CHRM3: variants seen among roughly 807,000 people sequenced by gnomAD.
CHRM3 encodes the protein muscarinic acetylcholine receptor M3.
Under a neutral mutation model 41.8 loss-of-function variants are expected in CHRM3, and 11 were observed. The observed-to-expected ratio is 0.26, with a 90% CI of 0.17 to 0.44. The LOEUF is 0.44. CHRM3 is among the 20% of genes least tolerant of loss of function. The pLI, the probability that CHRM3 is intolerant of heterozygous loss-of-function variation, is 1.00. For missense variants in CHRM3, 571 were observed against 745.4 expected (o/e 0.77, Z 2.72); for synonymous variants, 297 against 301.4 (o/e 0.99, Z 0.15).
chr1:239,792,616 T>A (rs1243370851), intron 5 of CHRM3, among the ~76,000 whole-genome samples: 1 of 152,216 alleles, frequency 6.6e-6, no homozygotes, highest in African/African-American at 2.4e-5. Flanking sequence ...TCCAAATTCT[T>A]TGTTCTTCTC....
intron 5 of CHRM3, among the ~76,000 whole-genome samples, chr1:239,817,065 G>A (rs1001360991): frequency 3.3e-5 from 5 of 152,168 alleles, no homozygotes; most frequent in Non-Finnish European, 7.3e-5. Context: ...ATTAGCACAT[G>A]TGAGGCACTG....
chr1:239,493,776 A>G (rs56229633), intron 2 of CHRM3, among the ~76,000 whole-genome samples: 3,018 of 152,278 alleles, frequency 0.02, 93 homozygotes, highest in African/African-American at 0.068. Context: ...TTAATGCCCA[A>G]TAGTTCTTAA....
chr1:239,491,653 C>G (rs1160178648), intron 1 of CHRM3, among the ~76,000 whole-genome samples: 1 of 152,192 alleles, frequency 6.6e-6, no homozygotes, highest in Non-Finnish European at 1.5e-5. Context: ...CATAGGAGGG[C>G]AGATGTCTCT....
chr1:239,560,376 A>G (rs1660741391), intron 3 of CHRM3, among the ~76,000 whole-genome samples: 1 of 152,170 alleles, frequency 6.6e-6, no homozygotes. Context: ...CAAAAAATGC[A>G]AAAACAATAC....
At chr1:239,455,436 TAA>T (rs966987567) in intron 1 of CHRM3, among the ~76,000 whole-genome samples, 2 of 152,000 alleles carry the variant, frequency 1.3e-5, no homozygotes, top group African/African-American at 4.8e-5. Flanking sequence ...ATCATTATCA[TAA>T]GAGATGACAG....
intron 5 of CHRM3, among the ~76,000 whole-genome samples, chr1:239,795,284 G>A (rs1669678361): frequency 6.6e-6 from 1 of 152,100 alleles, no homozygotes; most frequent in African/African-American, 2.4e-5. Context: ...ACTAACCAAG[G>A]TGGATTTAAA....
intron 1 of CHRM3, among the ~76,000 whole-genome samples, chr1:239,481,526 T>G (rs1666852971): frequency 6.6e-6 from 1 of 152,210 alleles, no homozygotes; most frequent in Non-Finnish European, 1.5e-5. Context: ...AGAGGTCATA[T>G]TTTATGTTTT....
intron 5 of CHRM3, among the ~76,000 whole-genome samples, chr1:239,752,285 G>T (rs1047039118): frequency 1.8e-4 from 27 of 152,088 alleles, no homozygotes; most frequent in African/African-American, 6.5e-4. Flanking sequence ...AGGGATGCTG[G>T]GAAAAAGACT....
At chr1:239,674,695 C>A (rs1379772232) in intron 4 of CHRM3, among the ~76,000 whole-genome samples, 5 of 126,136 alleles carry the variant, frequency 4.0e-5, no homozygotes, top group Non-Finnish European at 8.0e-5. Flanking sequence ...GAGCGACAGA[C>A]TGAGACTCCA....
At chr1:239,497,811 C>T (rs1396648294) in intron 2 of CHRM3, among the ~76,000 whole-genome samples, 2 of 152,158 alleles carry the variant, frequency 1.3e-5, no homozygotes, top group Admixed American at 1.3e-4. Flanking sequence ...GTACAGGCAG[C>T]AACAAATCGG....
At chr1:239,843,259 T>G (rs1197287811) in intron 6 of CHRM3, among the ~76,000 whole-genome samples, 1 of 152,102 alleles carries the variant, frequency 6.6e-6, no homozygotes, top group Non-Finnish European at 1.5e-5. Context: ...ATTCTTCAAA[T>G]CCTAGCACAA....
chr1:239,807,452 G>A (rs762559711), intron 5 of CHRM3, among the ~76,000 whole-genome samples: 15 of 152,180 alleles, frequency 9.9e-5, no homozygotes, highest in Non-Finnish European at 1.9e-4. Context: ...TGGGCATTAA[G>A]CCCATAAATA....
chr1:239,431,663 C>T (rs1662844391), intron 1 of CHRM3, among the ~76,000 whole-genome samples: 1 of 152,144 alleles, frequency 6.6e-6, no homozygotes, highest in African/African-American at 2.4e-5. Context: ...AGATTCATTT[C>T]ATTCATTTAG....
chr1:239,685,965 A>AAAAC (rs10680486), intron 5 of CHRM3, among the ~76,000 whole-genome samples: 76,555 of 147,088 alleles, frequency 0.52, 19,642 homozygotes, highest in Middle Eastern at 0.57. Flanking sequence ...ACTCCATCTC[A>AAAAC]AAACAAACAA....
intron 4 of CHRM3, among the ~76,000 whole-genome samples, chr1:239,674,262 G>A (rs937683754): frequency 9.2e-5 from 14 of 152,132 alleles, no homozygotes; most frequent in African/African-American, 3.4e-4. Context: ...GTATGGGTCA[G>A]ACTGGTGATT....
intron 5 of CHRM3, among the ~76,000 whole-genome samples, chr1:239,693,410 C>T (rs1659893114): frequency 6.6e-6 from 1 of 152,058 alleles, no homozygotes; most frequent in African/African-American, 2.4e-5. Flanking sequence ...AGGTGGCATT[C>T]TGCAAGCCAA....
intron 5 of CHRM3, among the ~76,000 whole-genome samples, chr1:239,824,699 A>G (rs1372232591): frequency 6.6e-6 from 1 of 152,232 alleles, no homozygotes; most frequent in Non-Finnish European, 1.5e-5. Flanking sequence ...CATCCAGGGT[A>G]GAGTGGAAAA....
chr1:239,530,283 T>C (rs1346432671), intron 2 of CHRM3, among the ~76,000 whole-genome samples: 1 of 152,182 alleles, frequency 6.6e-6, no homozygotes, highest in African/African-American at 2.4e-5. Flanking sequence ...TTGAGTCAGC[T>C]ACATATTTCT....
At chr1:239,794,265 A>G (rs1377804834) in intron 5 of CHRM3, among the ~76,000 whole-genome samples, 1 of 152,180 alleles carries the variant, frequency 6.6e-6, no homozygotes, top group Admixed American at 6.5e-5. Context: ...GAAATAAATG[A>G]GATGTGGTTT....
Sources: gnomAD v4.1 joint callset for allele counts (sites outside exome capture counted in the v4.1 genomes callset) on GRCh38, gnomAD v4.1.1 for gene constraint, MANE v1.5 for transcripts, NCBI Gene and HGNC (gene_info 2026-07-23, HGNC 2026-07-21) for gene names.